AGO3: variants seen among roughly 807,000 people sequenced by gnomAD.
The protein encoded by AGO3 is argonaute RISC catalytic component 3.
In AGO3, 16 loss-of-function variants were observed where a neutral mutation model predicts 105.5. That is an observed-to-expected ratio of 0.15 (90% CI 0.10 to 0.23). The LOEUF (loss-of-function observed/expected upper bound fraction) is 0.23. Ranked by LOEUF, AGO3 falls within the 10% of genes least tolerant of loss-of-function variation. The pLI is 1.00. For missense variants in AGO3, 534 were observed against 1,088.0 expected, an observed-to-expected ratio of 0.49 and a Z score of 7.16; for synonymous variants, 340 against 367.3, an observed-to-expected ratio of 0.93 and a Z score of 0.85.
At chr1:36,011,752 T>C (rs1486629458) in intron 9 of AGO3, among the ~76,000 whole-genome samples, 1 of 152,200 alleles carries the variant, frequency 6.6e-6, no homozygotes, top group Non-Finnish European at 1.5e-5. Flanking sequence ...ATATACATGG[T>C]TTCACATTCT....
chr1:35,995,843 A>G (rs1332715133), intron 5 of AGO3, among the ~76,000 whole-genome samples: 1 of 152,000 alleles, frequency 6.6e-6, no homozygotes, highest in African/African-American at 2.4e-5. Flanking sequence ...ACGCCTGGGT[A>G]ATTTTTGTAG....
chr1:36,010,667 G>C (rs567225483), intron 9 of AGO3, among the ~76,000 whole-genome samples: 1 of 151,358 alleles, frequency 6.6e-6, no homozygotes, highest in Non-Finnish European at 1.5e-5. Flanking sequence ...CAGCACTTTC[G>C]GAGGCCGAGG....
chr1:36,034,088 G>A, intron 12 of AGO3, 86 bp from the exon 13 acceptor site: 1 of 1,301,838 alleles, frequency 7.7e-7, no homozygotes, highest in African/African-American at 1.5e-5. Flanking sequence ...GGATTTTAAG[G>A]GGGAAACATA....
chr1:36,023,595 T>C (rs2148830066), intron 11 of AGO3, among the ~76,000 whole-genome samples: 1 of 152,340 alleles, frequency 6.6e-6, no homozygotes, highest in African/African-American at 2.4e-5. Flanking sequence ...TATTTGAACA[T>C]GGTTTCAACA....
intron 11 of AGO3, among the ~76,000 whole-genome samples, chr1:36,024,565 C>T (rs1412963754): frequency 2.6e-5 from 4 of 152,128 alleles, no homozygotes; most frequent in Admixed American, 6.6e-5. Context: ...TCTGCTGTCA[C>T]GCTTGTTTGA....
At chr1:36,017,178 A>G (rs551283603) in intron 11 of AGO3, among the ~76,000 whole-genome samples, 42 of 152,344 alleles carry the variant, frequency 2.8e-4, no homozygotes, top group African/African-American at 8.2e-4. Context: ...TTGAGAGAAT[A>G]TAGTATCCCA....
intron 5 of AGO3, among the ~76,000 whole-genome samples, chr1:35,996,881 C>T (rs977491626): frequency 6.6e-6 from 1 of 151,908 alleles, no homozygotes; most frequent in Non-Finnish European, 1.5e-5. Context: ...ACCACCCATA[C>T]GTACTAGATT....
intron 11 of AGO3, among the ~76,000 whole-genome samples, chr1:36,025,919 T>C (rs1641479716): frequency 6.6e-6 from 1 of 151,844 alleles, no homozygotes; most frequent in African/African-American, 2.4e-5. Flanking sequence ...ATGCCTATAA[T>C]CCCAGCTACT....
intron 3 of AGO3, among the ~76,000 whole-genome samples, chr1:35,968,273 T>G (rs764028792): frequency 3.3e-5 from 5 of 152,168 alleles, no homozygotes; most frequent in Non-Finnish European, 5.9e-5. Flanking sequence ...GTAATTGTGA[T>G]AAAACATATG....
intron 11 of AGO3, among the ~76,000 whole-genome samples, chr1:36,022,432 A>G (rs137939959): frequency 1.3e-5 from 2 of 152,280 alleles, no homozygotes; most frequent in African/African-American, 4.8e-5. Context: ...TTTAAATTAC[A>G]TAAAGTGAGA....
chr1:35,979,497 A>G (rs1333351381), intron 5 of AGO3, among the ~76,000 whole-genome samples: 1 of 152,186 alleles, frequency 6.6e-6, no homozygotes, highest in Non-Finnish European at 1.5e-5. Context: ...ATTAGTTTAG[A>G]GTGAAATATC....
chr1:36,025,041 G>A (rs1641438026), intron 11 of AGO3, among the ~76,000 whole-genome samples: 1 of 151,958 alleles, frequency 6.6e-6, no homozygotes, highest in Non-Finnish European at 1.5e-5. Context: ...TTTTGTAAAT[G>A]TATCATCCCT....
chr1:35,963,669 G>A (rs901138975), intron 2 of AGO3, among the ~76,000 whole-genome samples: 1 of 151,664 alleles, frequency 6.6e-6, no homozygotes, highest in African/African-American at 2.4e-5. Flanking sequence ...AATTGGGTTG[G>A]AGTAAAAAAA....
At chr1:36,010,893 C>T (rs1457101794) in intron 9 of AGO3, among the ~76,000 whole-genome samples, 4 of 113,080 alleles carry the variant, frequency 3.5e-5, no homozygotes, top group Non-Finnish European at 6.6e-5. Context: ...GCAACAAGAG[C>T]GAAACTCTGT....
chr1:36,028,574 C>G (rs926481485), intron 12 of AGO3, among the ~76,000 whole-genome samples: 2 of 151,942 alleles, frequency 1.3e-5, no homozygotes, highest in Non-Finnish European at 2.9e-5. Flanking sequence ...AGGACATGAA[C>G]TCATCATTTT....
At chr1:36,020,766 C>T (rs1254545938) in intron 11 of AGO3, among the ~76,000 whole-genome samples, 2 of 151,966 alleles carry the variant, frequency 1.3e-5, no homozygotes, top group Non-Finnish European at 2.9e-5. Flanking sequence ...CAGGCGCATG[C>T]CACCATGCCT....
intron 2 of AGO3, among the ~76,000 whole-genome samples, chr1:35,954,794 G>A (rs1646534930): frequency 6.6e-6 from 1 of 152,220 alleles, no homozygotes; most frequent in African/African-American, 2.4e-5. Flanking sequence ...CTTTGGGTAA[G>A]GAGGAGGATG....
intron 1 of AGO3, among the ~76,000 whole-genome samples, chr1:35,935,885 A>G (rs1646138189): frequency 6.6e-6 from 1 of 152,378 alleles, no homozygotes; most frequent in South Asian, 2.1e-4. Context: ...AGTAATTTAT[A>G]AGTTTTTGTT....
At chr1:35,967,613 C>T (rs926084473) in intron 3 of AGO3, among the ~76,000 whole-genome samples, 5 of 151,886 alleles carry the variant, frequency 3.3e-5, no homozygotes, top group Admixed American at 6.6e-5. Flanking sequence ...GATGGGGTTT[C>T]GCCATGTTGG....
Sources: gnomAD v4.1 joint callset for allele counts (sites outside exome capture counted in the v4.1 genomes callset) on GRCh38, gnomAD v4.1.1 for gene constraint, MANE v1.5 for transcripts, NCBI Gene and HGNC (gene_info 2026-07-23, HGNC 2026-07-21) for gene names.